ZFPM2: variants seen among roughly 807,000 people sequenced by gnomAD.
ZFPM2 encodes the protein zinc finger protein, FOG family member 2.
Under a neutral mutation model 98.6 loss-of-function variants are expected in ZFPM2, and 20 were observed. The observed-to-expected ratio is 0.20, with a 90% CI of 0.14 to 0.29. ZFPM2 has a LOEUF of 0.29. Ranked by LOEUF, ZFPM2 falls within the 10% of genes least tolerant of loss-of-function variation. The pLI, the probability that ZFPM2 is intolerant of heterozygous loss-of-function variation, is 1.00. For missense variants in ZFPM2, 1,310 were observed against 1,388.6 expected, an observed-to-expected ratio of 0.94 and a Z score of 0.90; for synonymous variants, 518 against 502.7, an observed-to-expected ratio of 1.03 and a Z score of -0.41.
At chr8:105,348,051 A>C (rs1263450466) in intron 1 of ZFPM2, among the ~76,000 whole-genome samples, 1 of 152,152 alleles carries the variant, frequency 6.6e-6, no homozygotes, top group Non-Finnish European at 1.5e-5. Context: ...GTAATGTTTT[A>C]AATGTTGGGA....
At chr8:105,731,065 G>GA (rs1164240190) in intron 5 of ZFPM2, among the ~76,000 whole-genome samples, 4 of 151,482 alleles carry the variant, frequency 2.6e-5, no homozygotes, top group Non-Finnish European at 4.4e-5. Flanking sequence ...AAATAAAACT[G>GA]AAAAAAATGA....
At chr8:105,580,034 T>A (rs975436586) in intron 4 of ZFPM2, among the ~76,000 whole-genome samples, 1 of 152,170 alleles carries the variant, frequency 6.6e-6, no homozygotes, top group African/African-American at 2.4e-5. Flanking sequence ...GTAAAATAGT[T>A]CTCTAGACCC....
intron 3 of ZFPM2, among the ~76,000 whole-genome samples, chr8:105,500,474 T>C (rs1813568539): frequency 6.6e-6 from 1 of 152,162 alleles, no homozygotes; most frequent in Admixed American, 6.5e-5. Flanking sequence ...TCTGTGTATG[T>C]TATAATTTTT....
intron 3 of ZFPM2, among the ~76,000 whole-genome samples, chr8:105,530,378 G>C (rs1814270151): frequency 6.6e-6 from 1 of 152,144 alleles, no homozygotes. Flanking sequence ...TTAGTTCACT[G>C]GAGTATCAGT....
At chr8:105,606,112 CAAAT>C (rs765424398) in intron 4 of ZFPM2, among the ~76,000 whole-genome samples, 12 of 152,052 alleles carry the variant, frequency 7.9e-5, no homozygotes, top group South Asian at 2.1e-4. Flanking sequence ...ATTTATATTT[CAAAT>C]AAATAAACCA....
At chr8:105,736,320 A>G (rs1812072554) in intron 5 of ZFPM2, among the ~76,000 whole-genome samples, 1 of 151,960 alleles carries the variant, frequency 6.6e-6, no homozygotes, top group Non-Finnish European at 1.5e-5. Context: ...ACATTTAGAA[A>G]TATTTGCCAA....
chr8:105,747,130 A>C (rs1812367359), intron 5 of ZFPM2, among the ~76,000 whole-genome samples: 1 of 152,114 alleles, frequency 6.6e-6, no homozygotes, highest in Non-Finnish European at 1.5e-5. Flanking sequence ...CAATACTAAT[A>C]AAAACTTCTT....
chr8:105,724,967 A>G (rs1242786744), intron 5 of ZFPM2, among the ~76,000 whole-genome samples: 1 of 151,798 alleles, frequency 6.6e-6, no homozygotes, highest in Non-Finnish European at 1.5e-5. Flanking sequence ...GACCCCGTGC[A>G]GTTCAAATCT....
intron 5 of ZFPM2, among the ~76,000 whole-genome samples, chr8:105,667,468 TAAC>T (rs1191036657): frequency 6.6e-6 from 1 of 152,176 alleles, no homozygotes; most frequent in Non-Finnish European, 1.5e-5. Context: ...GATTTAAAAA[TAAC>T]AAAGTAGGAA....
At chr8:105,324,700 T>C (rs565663731) in intron 1 of ZFPM2, among the ~76,000 whole-genome samples, 1 of 152,040 alleles carries the variant, frequency 6.6e-6, no homozygotes, top group East Asian at 1.9e-4. Context: ...AATATATAAC[T>C]TTTCCTCAAA....
chr8:105,589,128 G>A (rs551997361), intron 4 of ZFPM2, among the ~76,000 whole-genome samples: 3 of 152,248 alleles, frequency 2.0e-5, no homozygotes, highest in African/African-American at 7.2e-5. Flanking sequence ...AAACTCCATG[G>A]AGCCCCCTCT....
chr8:105,735,200 G>C (rs1812040667), intron 5 of ZFPM2, among the ~76,000 whole-genome samples: 1 of 149,722 alleles, frequency 6.7e-6, no homozygotes, highest in Non-Finnish European at 1.5e-5. Context: ...TTCAAGATTT[G>C]TAATCTGTTG....
chr8:105,382,612 C>T (rs1346654621), intron 1 of ZFPM2, among the ~76,000 whole-genome samples: 1 of 152,014 alleles, frequency 6.6e-6, no homozygotes, highest in Non-Finnish European at 1.5e-5. Context: ...GAAATGAAGA[C>T]ATTCTAGAGA....
intron 1 of ZFPM2, among the ~76,000 whole-genome samples, chr8:105,334,601 A>G (rs1586298779): frequency 2.0e-5 from 3 of 151,664 alleles, no homozygotes; most frequent in South Asian, 4.1e-4. Context: ...TAAAAGTTCT[A>G]TTCTTTAAAA....
intron 4 of ZFPM2, among the ~76,000 whole-genome samples, chr8:105,631,775 A>G (rs1816759280): frequency 6.6e-6 from 1 of 152,178 alleles, no homozygotes; most frequent in African/African-American, 2.4e-5. Flanking sequence ...ATGGAAGATT[A>G]TGGTTTTGGA....
At chr8:105,646,988 TG>T (rs1817060820) in intron 5 of ZFPM2, among the ~76,000 whole-genome samples, 1 of 152,138 alleles carries the variant, frequency 6.6e-6, no homozygotes, top group African/African-American at 2.4e-5. Context: ...AGGAAATGGC[TG>T]GGCCTGGAGG....
chr8:105,793,494 C>G (rs1813690456), intron 6 of ZFPM2, among the ~76,000 whole-genome samples: 2 of 152,064 alleles, frequency 1.3e-5, no homozygotes, highest in African/African-American at 4.8e-5. Context: ...GGTAACCCGT[C>G]CTTTCTCTCT....
intron 1 of ZFPM2, among the ~76,000 whole-genome samples, chr8:105,342,963 C>A (rs1344344547): frequency 6.6e-6 from 1 of 151,944 alleles, no homozygotes. Context: ...GAGGCAGACT[C>A]AAGTGCTTAA....
intron 1 of ZFPM2, among the ~76,000 whole-genome samples, chr8:105,416,742 T>G (rs1343326386): frequency 2.0e-5 from 3 of 152,030 alleles, no homozygotes; most frequent in Non-Finnish European, 4.4e-5. Context: ...ATTATTTTAT[T>G]TTTGATAAGT....
Sources: gnomAD v4.1 joint callset for allele counts (sites outside exome capture counted in the v4.1 genomes callset) on GRCh38, gnomAD v4.1.1 for gene constraint, MANE v1.5 for transcripts, NCBI Gene and HGNC (gene_info 2026-07-23, HGNC 2026-07-21) for gene names.